DNM3: variants seen among roughly 807,000 people sequenced by gnomAD.
DNM3 encodes the protein dynamin-3.
Under a neutral mutation model 101.6 loss-of-function variants are expected in DNM3, and 47 were observed. The observed-to-expected ratio is 0.46, with a 90% CI of 0.37 to 0.59. The LOEUF (loss-of-function observed/expected upper bound fraction) is 0.59. Among genes scored for constraint, DNM3 ranks in the 20% least tolerant of loss-of-function variants. DNM3 has a pLI of 0.00. For synonymous variants in DNM3, 385 were observed against 387.9 expected, an observed-to-expected ratio of 0.99 and a Z score of 0.09; for missense variants, 849 against 1,085.7, an observed-to-expected ratio of 0.78 and a Z score of 3.06.
At chr1:171,957,908 C>A (rs1422565631) in intron 2 of DNM3, among the ~76,000 whole-genome samples, 1 of 152,180 alleles carries the variant, frequency 6.6e-6, no homozygotes. Flanking sequence ...TGCCTGTTAC[C>A]CAGTTCCAAA....
At chr1:172,306,915 A>G (rs1009972490) in intron 15 of DNM3, among the ~76,000 whole-genome samples, 1 of 152,240 alleles carries the variant, frequency 6.6e-6, no homozygotes, top group African/African-American at 2.4e-5. Context: ...ACCTAAAACC[A>G]TAAAAACCCT....
intron 1 of DNM3, among the ~76,000 whole-genome samples, chr1:171,892,896 A>T (rs916071373): frequency 1.3e-5 from 2 of 149,924 alleles, no homozygotes; most frequent in Non-Finnish European, 2.9e-5. Flanking sequence ...GCCACCACTG[A>T]TCAGACAGGA....
At chr1:172,392,663 T>G (rs1460561984) in intron 20 of DNM3, among the ~76,000 whole-genome samples, 2 of 152,228 alleles carry the variant, frequency 1.3e-5, no homozygotes, top group Non-Finnish European at 2.9e-5. Context: ...TGGCATTATT[T>G]CACTCATTTG....
At chr1:172,303,814 C>G (rs996549098) in intron 15 of DNM3, among the ~76,000 whole-genome samples, 2 of 152,140 alleles carry the variant, frequency 1.3e-5, no homozygotes, top group African/African-American at 4.8e-5. Flanking sequence ...AAATCCTTTA[C>G]AGACAAGCAA....
Position 172,406,637 on chromosome 1 carries a change from G to A in DNM3, c.2523-1135G>A, listed in dbSNP as rs572980568. ...CTCCTGCTTTGATTTTTCCTTGATC[G>A]TGTAATTTAATTTTATAGTTCCATG... On this transcript the variant is annotated intron_variant, in intron 20 of 20. Coordinates refer to ENST00000627582, the MANE Select transcript of DNM3 (RefSeq NM_015569.5). Among the ~76,000 whole-genome samples, 17 of 151,840 alleles carry A rather than the reference G, an allele frequency of 1.1e-4. No individual in the cohort carries two copies. In the South Asian group the frequency reaches 2.5e-3, roughly 22 times the overall value.
intron 9 of DNM3, 97 bp downstream of exon 9, chr1:172,044,549 A>G (rs930271255): frequency 5.0e-6 from 5 of 1,005,320 alleles, no homozygotes; most frequent in Non-Finnish European, 7.4e-6. Context: ...ATCATTGAAT[A>G]GGGTAGAATA....
chr1:172,031,173 C>G (rs575132057), intron 4 of DNM3, among the ~76,000 whole-genome samples: 1 of 152,168 alleles, frequency 6.6e-6, no homozygotes, highest in East Asian at 1.9e-4. Flanking sequence ...CAGTGATAGA[C>G]TGCTAAAGAA....
intron 1 of DNM3, among the ~76,000 whole-genome samples, chr1:171,846,791 A>G (rs2032176882): frequency 6.6e-6 from 1 of 152,222 alleles, no homozygotes; most frequent in Admixed American, 6.5e-5. Context: ...TGATTTAAAA[A>G]TTCTTATGGA....
chr1:171,882,214 A>G (rs980259228), intron 1 of DNM3, among the ~76,000 whole-genome samples: 6 of 151,764 alleles, frequency 4.0e-5, no homozygotes, highest in Non-Finnish European at 5.9e-5. Flanking sequence ...GTGGTGGTGC[A>G]TGCCTGTAAT....
chr1:172,279,617 G>A (rs1325351895), intron 15 of DNM3, among the ~76,000 whole-genome samples: 1 of 151,990 alleles, frequency 6.6e-6, no homozygotes, highest in African/African-American at 2.4e-5. Flanking sequence ...TAAACTCTTG[G>A]TCTTTCCACC....
At chr1:171,842,606 A>C (rs1323975174) in intron 1 of DNM3, among the ~76,000 whole-genome samples, 1 of 151,896 alleles carries the variant, frequency 6.6e-6, no homozygotes, top group Non-Finnish European at 1.5e-5. Context: ...ATCATCTCGG[A>C]ACTGACCAGC....
chr1:171,843,281 A>AT (rs978336068), intron 1 of DNM3, among the ~76,000 whole-genome samples: 11 of 151,838 alleles, frequency 7.2e-5, no homozygotes, highest in South Asian at 2.1e-4. Flanking sequence ...TCATTTTTAT[A>AT]TTTTTTTTGA....
At chr1:172,199,361 G>A (rs971855712) in intron 14 of DNM3, among the ~76,000 whole-genome samples, 1 of 152,040 alleles carries the variant, frequency 6.6e-6, no homozygotes, top group African/African-American at 2.4e-5. Flanking sequence ...ATGCCCTGTA[G>A]CAAGGAGAAG....
chr1:172,348,945 A>G (rs1354152518), intron 17 of DNM3, among the ~76,000 whole-genome samples: 2 of 152,208 alleles, frequency 1.3e-5, no homozygotes, highest in Non-Finnish European at 2.9e-5. Flanking sequence ...CACCTGACCC[A>G]TCGTCTTCCC....
chr1:171,930,279 C>T lies in DNM3; in HGVS notation c.235+8458C>T, dbSNP rs116417850. Among the ~76,000 whole-genome samples the T allele has an allele frequency of 7.9e-3, 1,210 of 152,266 alleles. 10 individuals are homozygous for T. Among genetic ancestry groups the T allele is most frequent in the African/African-American group, 0.028 (1,155 of 41,552 alleles). On this transcript the variant is annotated intron_variant, in intron 2 of 20. Transcript: ENST00000627582. Reference sequence around the variant, plus strand: ...ATCCAGGGAGGTGCAATGCTGCTACCAGTGGCTGGCTGGATTTCCAAGCCA... The same window carrying T: ...ATCCAGGGAGGTGCAATGCTGCTACTAGTGGCTGGCTGGATTTCCAAGCCA...
intron 14 of DNM3, among the ~76,000 whole-genome samples, chr1:172,213,337 G>C (rs2060576040): frequency 6.6e-6 from 1 of 152,028 alleles, no homozygotes; most frequent in South Asian, 2.1e-4. Context: ...TAATTAAAAA[G>C]CATTGTTAGA....
intron 13 of DNM3, among the ~76,000 whole-genome samples, chr1:172,108,658 T>TG (rs2055241858): frequency 6.6e-6 from 1 of 152,258 alleles, no homozygotes; most frequent in South Asian, 2.1e-4. Context: ...ACCAATCCAT[T>TG]CCCCACCCCA....
intron 4 of DNM3, among the ~76,000 whole-genome samples, chr1:172,027,395 C>T (rs946270874): frequency 2.6e-5 from 4 of 151,944 alleles, no homozygotes; most frequent in Non-Finnish European, 5.9e-5. Context: ...CCAGCCTGGC[C>T]AAGATGGTGA....
chr1:171,883,506 C>T (rs1275830628), intron 1 of DNM3, among the ~76,000 whole-genome samples: 1 of 150,902 alleles, frequency 6.6e-6, no homozygotes, highest in African/African-American at 2.4e-5. Flanking sequence ...GAGTCTCACT[C>T]TGTTGCTAAG....
Sources: allele counts gnomAD v4.1 joint callset (sites outside exome capture counted in the v4.1 genomes callset), GRCh38; gene constraint gnomAD v4.1.1; transcripts MANE v1.5; gene names NCBI Gene and HGNC (gene_info 2026-07-23, HGNC 2026-07-21).